PTPRM: variants seen among roughly 807,000 people sequenced by gnomAD.
PTPRM encodes the protein protein tyrosine phosphatase receptor type M.
Under a neutral mutation model 186.7 loss-of-function variants are expected in PTPRM, and 47 were observed. The ratio of observed to expected loss-of-function variants is 0.25; its 90% CI spans 0.20 to 0.32. The LOEUF is 0.32. Among genes scored for constraint, PTPRM ranks in the 10% least tolerant of loss-of-function variants. The pLI is 1.00. For missense variants in PTPRM, 1,494 were observed against 1,865.0 expected (o/e 0.80, Z 3.66); for synonymous variants, 668 against 674.9 (o/e 0.99, Z 0.16).
At chr18:8,301,026 T>C (rs1256803507) in intron 20 of PTPRM, among the ~76,000 whole-genome samples, 1 of 152,142 alleles carries the variant, frequency 6.6e-6, no homozygotes, top group Non-Finnish European at 1.5e-5. Context: ...ATTATGTAAC[T>C]GTAGAAAAGT....
At chr18:7,883,066 T>A (rs1175825285) in intron 2 of PTPRM, among the ~76,000 whole-genome samples, 1 of 152,236 alleles carries the variant, frequency 6.6e-6, no homozygotes, top group African/African-American at 2.4e-5. Flanking sequence ...TGTCCCTTTT[T>A]GAAGCTGACT....
intron 1 of PTPRM, among the ~76,000 whole-genome samples, chr18:7,736,567 C>T (rs541694001): frequency 5.3e-5 from 8 of 152,136 alleles, no homozygotes; most frequent in South Asian, 2.1e-4. Context: ...CCGAGCTCCC[C>T]GAATGCTTAA....
At chr18:8,240,655 A>G (rs59650910) in intron 14 of PTPRM, among the ~76,000 whole-genome samples, 1,636 of 14,940 alleles carry the variant, frequency 0.11, 68 homozygotes, top group South Asian at 0.18. Flanking sequence ...GAGAGAGAGA[A>G]AGAAAGAAAG....
intron 1 of PTPRM, among the ~76,000 whole-genome samples, chr18:7,694,447 G>GTTT (rs1568034103): frequency 7.8e-6 from 1 of 128,936 alleles, no homozygotes; most frequent in Non-Finnish European, 1.5e-5. Context: ...TTTTTTTTTC[G>GTTT]ACAGAGTCTC....
At chr18:7,814,141 TG>T (rs1455984135) in intron 2 of PTPRM, 1 of 152,228 alleles carries the variant, frequency 6.6e-6, no homozygotes, top group Non-Finnish European at 1.5e-5. Context: ...AGGTTATACT[TG>T]TTTTCAGCTA....
At chr18:8,394,098 G>A (rs545413185) in intron 31 of PTPRM, among the ~76,000 whole-genome samples, 3 of 152,216 alleles carry the variant, frequency 2.0e-5, no homozygotes, top group Admixed American at 6.5e-5. Flanking sequence ...AGCTGCTAAT[G>A]GATGTTTTTA....
At chr18:8,405,625 A>C (rs72909685) in intron 32 of PTPRM, among the ~76,000 whole-genome samples, 3 of 152,348 alleles carry the variant, frequency 2.0e-5, no homozygotes, top group Non-Finnish European at 4.4e-5. Flanking sequence ...CTTGGTATTC[A>C]GGAGGTGCTT....
chr18:7,723,557 T>C (rs774730271), intron 1 of PTPRM, among the ~76,000 whole-genome samples: 2 of 152,202 alleles, frequency 1.3e-5, no homozygotes, highest in Non-Finnish European at 2.9e-5. Context: ...CCCTGCCCTC[T>C]GTGCTCTGCA....
intron 32 of PTPRM, chr18:8,399,662 G>C (rs1009920558): frequency 1.3e-5 from 2 of 152,204 alleles, no homozygotes; most frequent in African/African-American, 4.8e-5. Flanking sequence ...CCCCTTTACA[G>C]AGAAGTCTAG....
chr18:7,958,897 C>G (rs1347936015), intron 7 of PTPRM, among the ~76,000 whole-genome samples: 1 of 152,186 alleles, frequency 6.6e-6, no homozygotes, highest in African/African-American at 2.4e-5. Flanking sequence ...TAAAACATCA[C>G]TTCAGTTCTT....
intron 2 of PTPRM, among the ~76,000 whole-genome samples, chr18:7,866,127 A>G (rs903503202): frequency 3.9e-5 from 6 of 152,108 alleles, no homozygotes; most frequent in African/African-American, 1.4e-4. Flanking sequence ...GATCTTTTCA[A>G]AAAACCACCT....
chr18:7,584,327 G>T (rs932309804), intron 1 of PTPRM, among the ~76,000 whole-genome samples: 2 of 152,148 alleles, frequency 1.3e-5, no homozygotes, highest in East Asian at 1.9e-4. Flanking sequence ...AAAGATTCCT[G>T]GGCAGATAGA....
At chr18:8,142,036 T>A (rs2092778332) in intron 13 of PTPRM, among the ~76,000 whole-genome samples, 1 of 152,326 alleles carries the variant, frequency 6.6e-6, no homozygotes, top group South Asian at 2.1e-4. Context: ...TATGTTCCAA[T>A]AGAATATTGG....
intron 14 of PTPRM, among the ~76,000 whole-genome samples, chr18:8,150,843 T>C (rs1237326736): frequency 1.3e-5 from 2 of 152,178 alleles, no homozygotes; most frequent in Non-Finnish European, 2.9e-5. Flanking sequence ...GTGGATGTGC[T>C]ATTCCTTTCT....
chr18:7,855,641 T>C (rs1055002082), intron 2 of PTPRM, among the ~76,000 whole-genome samples: 1 of 152,354 alleles, frequency 6.6e-6, no homozygotes, highest in Non-Finnish European at 1.5e-5. Flanking sequence ...AAGTAAGCTT[T>C]TTGTCAGTAC....
chr18:7,868,204 C>T (rs1335773339), intron 2 of PTPRM, among the ~76,000 whole-genome samples: 1 of 152,144 alleles, frequency 6.6e-6, no homozygotes, highest in Admixed American at 6.5e-5. Flanking sequence ...GTCAATTTGT[C>T]AAACTCATTG....
chr18:7,916,424 G>A (rs1354660177), intron 4 of PTPRM, among the ~76,000 whole-genome samples: 1 of 152,076 alleles, frequency 6.6e-6, no homozygotes, highest in Non-Finnish European at 1.5e-5. Context: ...ATAGAAGTTA[G>A]TACTTATTGT....
intron 7 of PTPRM, among the ~76,000 whole-genome samples, chr18:7,989,452 C>T (rs1342996609): frequency 6.6e-6 from 1 of 152,168 alleles, no homozygotes; most frequent in Non-Finnish European, 1.5e-5. Context: ...AGCCATGCCT[C>T]CTTGAGCAGG....
intron 10 of PTPRM, among the ~76,000 whole-genome samples, chr18:8,088,484 A>G (rs559671150): frequency 9.8e-5 from 15 of 152,308 alleles, no homozygotes; most frequent in African/African-American, 3.1e-4. Flanking sequence ...ATCAAGAAAC[A>G]GAATATTACT....
Sources: gnomAD v4.1 joint callset for allele counts (sites outside exome capture counted in the v4.1 genomes callset) on GRCh38, gnomAD v4.1.1 for gene constraint, MANE v1.5 for transcripts, NCBI Gene and HGNC (gene_info 2026-07-23, HGNC 2026-07-21) for gene names.